The following EFNA5 variants were observed in gnomAD, a reference collection of about 807,000 sequenced individuals.
EFNA5 encodes ephrin A5.
Under a neutral mutation model 22.9 loss-of-function variants are expected in EFNA5, and 5 were observed. The ratio of observed to expected loss-of-function variants is 0.22; its 90% CI spans 0.11 to 0.46. The LOEUF is 0.46. Ranked by LOEUF, EFNA5 falls within the 20% of genes least tolerant of loss-of-function variation. EFNA5 has a pLI of 0.99. For synonymous variants in EFNA5, 113 were observed against 112.2 expected, an observed-to-expected ratio of 1.01 and a Z score of -0.04; for missense variants, 237 against 293.3, an observed-to-expected ratio of 0.81 and a Z score of 1.40.
In EFNA5 at chr5:107,404,043, G is replaced by A. The variant is rs956605414; in HGVS notation, c.419-16272C>T. On this transcript the variant is annotated intron_variant, in intron 2 of 4. Coordinates refer to ENST00000333274, the MANE Select transcript of EFNA5 (RefSeq NM_001962.3). ...CTTATTTCAGATGGTGGATTATAGG[G>A]ATACTATTCATATAATCCAACTTAT... Among the ~76,000 whole-genome samples, 26 of 152,134 alleles carry A rather than the reference G, an allele frequency of 1.7e-4. 1 individual carries two copies. Among genetic ancestry groups the A allele is most frequent in the African/African-American group, 6.0e-4 (25 of 41,432 alleles).
chr5:107,669,618 G>A (rs1751144661), intron 1 of EFNA5, among the ~76,000 whole-genome samples: 1 of 152,236 alleles, frequency 6.6e-6, no homozygotes, highest in African/African-American at 2.4e-5. Flanking sequence ...CGCCCCCGGC[G>A]CCCACCTCTA....
chr5:107,484,524 C>G (rs17594614), intron 1 of EFNA5, among the ~76,000 whole-genome samples: 5,726 of 152,276 alleles, frequency 0.038, 130 homozygotes, highest in East Asian at 0.099. Flanking sequence ...AGAGTGGTAC[C>G]AGATGGTCTC....
intron 1 of EFNA5, among the ~76,000 whole-genome samples, chr5:107,655,756 CAA>C (rs1287291742): frequency 6.6e-6 from 1 of 152,118 alleles, no homozygotes; most frequent in African/African-American, 2.4e-5. Flanking sequence ...AACCACCTGA[CAA>C]TGCTATAGGA....
chr5:107,444,666 T>A (rs1374069018), intron 1 of EFNA5, among the ~76,000 whole-genome samples: 1 of 152,204 alleles, frequency 6.6e-6, no homozygotes, highest in Non-Finnish European at 1.5e-5. Context: ...GATTACAGTT[T>A]ATAAAACCAG....
At chr5:107,614,466 T>A (rs1359784501) in intron 1 of EFNA5, among the ~76,000 whole-genome samples, 5 of 152,142 alleles carry the variant, frequency 3.3e-5, no homozygotes, top group Non-Finnish European at 1.5e-5. Flanking sequence ...TGTTAAAAAA[T>A]AAGTTAGTCA....
intron 1 of EFNA5, among the ~76,000 whole-genome samples, chr5:107,562,196 C>A (rs1748561658): frequency 6.6e-6 from 1 of 152,182 alleles, no homozygotes; most frequent in Non-Finnish European, 1.5e-5. Flanking sequence ...CAATTCATTA[C>A]TGACAGGGCA....
At chr5:107,399,270 T>C (rs1318837165) in intron 2 of EFNA5, among the ~76,000 whole-genome samples, 1 of 138,624 alleles carries the variant, frequency 7.2e-6, no homozygotes, top group African/African-American at 2.8e-5. Flanking sequence ...CTGGCCAACA[T>C]GGCAAAACCC....
At chr5:107,587,718 CAT>C (rs978263410) in intron 1 of EFNA5, among the ~76,000 whole-genome samples, 8 of 152,298 alleles carry the variant, frequency 5.3e-5, no homozygotes, top group South Asian at 4.1e-4. Context: ...GGGGTTTCAC[CAT>C]GTTAGCCAGG....
At chr5:107,450,821 T>G (rs1384049814) in intron 1 of EFNA5, among the ~76,000 whole-genome samples, 3 of 152,246 alleles carry the variant, frequency 2.0e-5, no homozygotes, top group Non-Finnish European at 1.5e-5. Flanking sequence ...TGCTTATGTG[T>G]GGCAATTCAA....
At position 107,476,056 on chromosome 5, in the gene EFNA5, A is replaced by ATATATATATATGTATATATATATT. The variant is rs1454967869; in HGVS notation, c.126-48548_126-48547insAATATATATATACATATATATATA. ...TTGAGAGTTTTTAAACTATATATAT[A>ATATATATATATGTATATATATATT]TTTTTTTTTTTTGAGACAGAGTCTT... On this transcript the variant is annotated intron_variant, in intron 1 of 4. Coordinates refer to ENST00000333274, the MANE Select transcript of EFNA5 (RefSeq NM_001962.3). 1.8e-3 allele frequency among the ~76,000 whole-genome samples: 203 copies of ATATATATATATGTATATATATATT among 113,910 alleles called. 3 individuals carry two copies. Among genetic ancestry groups the ATATATATATATGTATATATATATT allele is most frequent in the Non-Finnish European group, 3.4e-3 (184 of 53,432 alleles). The allele number at this position is 113,910 out of a possible 152,430, so 74.7% of individuals were successfully genotyped here.
At chr5:107,622,865 C>CA (rs1180350208) in intron 1 of EFNA5, among the ~76,000 whole-genome samples, 1 of 150,402 alleles carries the variant, frequency 6.6e-6, no homozygotes, top group Non-Finnish European at 1.5e-5. Flanking sequence ...ACTAAAAATA[C>CA]AAAAAATTAG....
intron 2 of EFNA5, among the ~76,000 whole-genome samples, chr5:107,412,232 TTTA>T (rs1396482794): frequency 6.6e-6 from 1 of 152,172 alleles, no homozygotes; most frequent in Non-Finnish European, 1.5e-5. Flanking sequence ...GTGGTGTAAT[TTTA>T]TTAGTGAAGT....
chr5:107,637,522 G>C (rs1034465880), intron 1 of EFNA5, among the ~76,000 whole-genome samples: 1 of 151,390 alleles, frequency 6.6e-6, no homozygotes, highest in Non-Finnish European at 1.5e-5. Context: ...GTGTGTCTGT[G>C]TGTGTGTGTG....
chr5:107,561,944 C>T (rs568133765), intron 1 of EFNA5, among the ~76,000 whole-genome samples: 6 of 152,060 alleles, frequency 3.9e-5, no homozygotes, highest in African/African-American at 1.2e-4. Flanking sequence ...CACAGGGAAA[C>T]GTAAGGAACC....
At chr5:107,594,001 A>G (rs1749426255) in intron 1 of EFNA5, among the ~76,000 whole-genome samples, 1 of 152,228 alleles carries the variant, frequency 6.6e-6, no homozygotes, top group African/African-American at 2.4e-5. Context: ...TTAGTTAAAA[A>G]GGTGAGACAA....
At chr5:107,399,026 A>G (rs552024766) in intron 2 of EFNA5, among the ~76,000 whole-genome samples, 1 of 152,162 alleles carries the variant, frequency 6.6e-6, no homozygotes, top group African/African-American at 2.4e-5. Context: ...TCCCCTGCCC[A>G]CACTGCTGGC....
intron 1 of EFNA5, among the ~76,000 whole-genome samples, chr5:107,599,913 A>G (rs7734574): frequency 6.6e-6 from 1 of 152,014 alleles, no homozygotes; most frequent in African/African-American, 2.4e-5. Context: ...AAAAACCTGA[A>G]AGTACCTGCT....
At position 107,610,129 on chromosome 5, in the gene EFNA5, A is replaced by T. The variant is rs373631873; in HGVS notation, c.125+60360T>A. On this transcript the variant is annotated intron_variant, in intron 1 of 4. Coordinates refer to ENST00000333274, the MANE Select transcript of EFNA5 (RefSeq NM_001962.3). ...AAAATAGTCAGATAGCAAGATGTTC[A>T]AAGGAACACAAAGCAGTATAGTAGA... 5.5e-4 allele frequency among the ~76,000 whole-genome samples: 84 copies of T among 152,338 alleles called. No homozygotes were observed. The East Asian group carries it at 8.3e-3, about 15-fold the overall frequency.
At chr5:107,643,991 T>C (rs991456713) in intron 1 of EFNA5, among the ~76,000 whole-genome samples, 8 of 152,154 alleles carry the variant, frequency 5.3e-5, no homozygotes, top group Non-Finnish European at 8.8e-5. Flanking sequence ...ATGTCTTCCC[T>C]AGAAAATCAG....
Sources: gnomAD v4.1 joint callset for allele counts (sites outside exome capture counted in the v4.1 genomes callset) on GRCh38, gnomAD v4.1.1 for gene constraint, MANE v1.5 for transcripts, NCBI Gene and HGNC (gene_info 2026-07-23, HGNC 2026-07-21) for gene names.